The following ARHGEF28 variants were observed in gnomAD, a reference collection of about 807,000 sequenced individuals.
ARHGEF28 encodes Rho guanine nucleotide exchange factor 28, also known as 190 kDa guanine nucleotide exchange factor.
Under a neutral mutation model 206.6 loss-of-function variants are expected in ARHGEF28, and 152 were observed. The ratio of observed to expected loss-of-function variants is 0.74; its 90% CI spans 0.64 to 0.84. ARHGEF28 has a LOEUF of 0.84. Ranked by LOEUF, ARHGEF28 falls within the 40% of genes least tolerant of loss-of-function variation. ARHGEF28 has a pLI of 0.00. For synonymous variants in ARHGEF28, 763 were observed against 776.4 expected (o/e 0.98, Z 0.29); for missense variants, 2,028 against 2,073.2 (o/e 0.98, Z 0.42).
At chr5:73,936,117 C>A (rs1764405226) in intron 35 of ARHGEF28, among the ~76,000 whole-genome samples, 1 of 151,520 alleles carries the variant, frequency 6.6e-6, no homozygotes, top group Non-Finnish European at 1.5e-5. Flanking sequence ...GCAGGAAATT[C>A]AGAAAAAGGC....
In ARHGEF28 at chr5:73,780,685, C is replaced by A; in HGVS notation, c.850C>A (p.Pro284Thr). 1.3e-6 allele frequency: 2 copies of A among 1,554,802 alleles called. No homozygotes were observed. The highest frequency in any genetic ancestry group is 1.7e-6 in the Non-Finnish European group (2 of 1,148,998). Residue 284 changes from proline to threonine, a missense_variant, in exon 7 of 36, where the codon CCA (proline) becomes ACA (threonine). This residue lies in a region of ARHGEF28 where 1,002 missense variants were observed against 1,015.3 expected (regional missense o/e 0.99). Transcript: ENST00000513042. ...CCCCATTGTTTCCTAGGCCTTTGAG[C>A]CAGAAGCCAGGCCAGAGGAAAGAAC... is the stretch of plus-strand genomic sequence containing the variant. Reference protein sequence around the residue: ...DRAFLVKAFEPEARPEERTAM... With the variant: ...DRAFLVKAFETEARPEERTAM...
At chr5:73,756,916 A>G (rs6897882) in intron 4 of ARHGEF28, among the ~76,000 whole-genome samples, 44,779 of 152,036 alleles carry the variant, frequency 0.29, 6,894 homozygotes, top group African/African-American at 0.35. Flanking sequence ...AAACAAGAGT[A>G]TTTGGTGAAG....
At chr5:73,838,093 A>T (rs1561444403) in intron 10 of ARHGEF28, among the ~76,000 whole-genome samples, 2 of 152,154 alleles carry the variant, frequency 1.3e-5, no homozygotes, top group African/African-American at 4.8e-5. Flanking sequence ...TGCTTTAATG[A>T]TGTGAAGCCA....
At chr5:73,884,341 A>T (rs1232122926) in intron 24 of ARHGEF28, among the ~76,000 whole-genome samples, 1 of 152,216 alleles carries the variant, frequency 6.6e-6, no homozygotes, top group Non-Finnish European at 1.5e-5. Context: ...AGGGAGTAAC[A>T]TATGGGCATC....
chr5:73,936,642 CT>C (rs1168817292), intron 35 of ARHGEF28, among the ~76,000 whole-genome samples: 2 of 152,210 alleles, frequency 1.3e-5, no homozygotes, highest in Non-Finnish European at 2.9e-5. Flanking sequence ...GGGGCAATGA[CT>C]TGCCTGAGAT....
intron 20 of ARHGEF28, among the ~76,000 whole-genome samples, chr5:73,869,660 A>AGGC (rs1251002865): frequency 6.6e-6 from 1 of 152,192 alleles, no homozygotes; most frequent in Non-Finnish European, 1.5e-5. Flanking sequence ...TAATCCCAGC[A>AGGC]CTTTGGGAGG....
At chr5:73,743,807 G>A (rs1013165853) in intron 2 of ARHGEF28, among the ~76,000 whole-genome samples, 9 of 152,072 alleles carry the variant, frequency 5.9e-5, no homozygotes, top group Non-Finnish European at 1.0e-4. Context: ...TCCCCTCACC[G>A]TATCTATCTG....
chr5:73,937,337 A>AAG (rs912872241), intron 35 of ARHGEF28, among the ~76,000 whole-genome samples: 116 of 152,198 alleles, frequency 7.6e-4, no homozygotes, highest in African/African-American at 2.7e-3. Flanking sequence ...TTTGTGAACA[A>AAG]AAGCTCAGTA....
intron 15 of ARHGEF28, 53 bp from the exon 16 acceptor site, chr5:73,858,034 T>G: frequency 1.3e-6 from 2 of 1,553,146 alleles, no homozygotes; most frequent in South Asian, 2.5e-5. Context: ...GCTCACAGCG[T>G]TTTCCTTTTC....
rs775632371 is a variant in ARHGEF28 at position 73,909,828 on chromosome 5, C to G, written c.4578C>G (p.Ser1526Arg). The change falls in exon 34 of 36, where the codon AGC becomes AGG. Residue 1526 changes from serine to arginine, a missense_variant. By Grantham distance (110) the Ser-to-Arg change is moderately radical (BLOSUM62 -1). Transcript: ENST00000513042. Reference sequence around the variant, plus strand: ...AGGCGAGGATGCGGGCCCAGCAGAGCCTGCTGGGCCACTGGAAGCACGGCC... The same window carrying G: ...AGGCGAGGATGCGGGCCCAGCAGAGGCTGCTGGGCCACTGGAAGCACGGCC... ...REQARMRAQQ[S>R]LLGHWKHGRQ... 3 of 1,537,914 alleles carry G rather than the reference C, an allele frequency of 2.0e-6. No homozygotes were observed. Among genetic ancestry groups the G allele is most frequent in the South Asian group, 2.5e-5 (2 of 80,502 alleles).
At chr5:73,674,730 GA>G (rs1490928332) in intron 1 of ARHGEF28, among the ~76,000 whole-genome samples, 1 of 152,244 alleles carries the variant, frequency 6.6e-6, no homozygotes, top group African/African-American at 2.4e-5. Context: ...CTGGGGAGAA[GA>G]GAGGGGCTGA....
chr5:73,693,112 A>G (rs1242543244), intron 2 of ARHGEF28, among the ~76,000 whole-genome samples: 3 of 152,180 alleles, frequency 2.0e-5, no homozygotes, highest in Non-Finnish European at 2.9e-5. Flanking sequence ...AAAATGCTCT[A>G]TTAGAAGTCA....
chr5:73,708,214 T>C (rs2112302173), intron 2 of ARHGEF28, among the ~76,000 whole-genome samples: 1 of 152,190 alleles, frequency 6.6e-6, no homozygotes, highest in Non-Finnish European at 1.5e-5. Context: ...CAGCTTTTAT[T>C]TTAGGTTCAC....
intron 35 of ARHGEF28, among the ~76,000 whole-genome samples, chr5:73,927,613 C>T (rs1402840998): frequency 6.6e-6 from 1 of 152,146 alleles, no homozygotes; most frequent in African/African-American, 2.4e-5. Context: ...CCTGCCTCAG[C>T]CTCCTCAGTA....
intron 8 of ARHGEF28, 54 bp downstream of exon 8, chr5:73,794,508 T>G (rs1242310755): frequency 7.0e-7 from 1 of 1,419,764 alleles, no homozygotes; most frequent in Non-Finnish European, 9.7e-7. Context: ...AAAGTAGAAA[T>G]GAAGATTTAG....
intron 10 of ARHGEF28, among the ~76,000 whole-genome samples, chr5:73,833,291 A>T (rs1757414797): frequency 6.6e-6 from 1 of 152,024 alleles, no homozygotes; most frequent in East Asian, 1.9e-4. Flanking sequence ...AAGACATTTA[A>T]CCCTTTTATG....
rs552333986 is a variant in ARHGEF28 at position 73,673,024 on chromosome 5, A to T, written c.-11-11817A>T. ...CTTTCTAATCTTCAGACATCTCCCC[A>T]CTGAGTTTACCAAATAATTCAACCC... On this transcript the variant is annotated intron_variant, in intron 1 of 35. Transcript: ENST00000513042. Among the ~76,000 whole-genome samples the T allele has an allele frequency of 5.9e-5, 9 of 152,300 alleles. No individual in the cohort carries two copies. The South Asian group carries it at 1.9e-3, about 32-fold the overall frequency.
chr5:73,813,773 G>C, intron 9 of ARHGEF28: 1 of 1,259,458 alleles, frequency 7.9e-7, no homozygotes, highest in Non-Finnish European at 1.1e-6. Context: ...AATGTAGCGC[G>C]TGTTTATACG....
chr5:73,925,904 A>G (rs366646), intron 35 of ARHGEF28, among the ~76,000 whole-genome samples: 23,027 of 152,266 alleles, frequency 0.15, 1,911 homozygotes, highest in South Asian at 0.27. Flanking sequence ...TAAAGCTGCT[A>G]TAAACATTCT....
Sources: allele counts gnomAD v4.1 joint callset (sites outside exome capture counted in the v4.1 genomes callset), GRCh38; gene constraint gnomAD v4.1.1; regional missense constraint gnomAD v4.1.1; transcripts MANE v1.5; gene names NCBI Gene and HGNC (gene_info 2026-07-23, HGNC 2026-07-21).